TTC13: variants seen among roughly 807,000 people sequenced by gnomAD.
The protein encoded by TTC13 is tetratricopeptide repeat protein 13.
Under a neutral mutation model 120.0 loss-of-function variants are expected in TTC13, and 62 were observed. That is an observed-to-expected ratio of 0.52 (90% CI 0.42 to 0.64). The LOEUF is 0.64. Among genes scored for constraint, TTC13 ranks in the 30% least tolerant of loss-of-function variants. TTC13 has a pLI of 0.00. For missense variants in TTC13, 824 were observed against 1,050.2 expected (o/e 0.78, Z 2.98); for synonymous variants, 384 against 393.5 (o/e 0.98, Z 0.28).
intron 1 of TTC13, among the ~76,000 whole-genome samples, chr1:230,962,167 G>A (rs1026864982): frequency 2.7e-5 from 4 of 150,914 alleles, no homozygotes; most frequent in African/African-American, 9.8e-5. Context: ...CCGAGACTGT[G>A]CCATTGCACT....
chr1:230,960,325 A>G (rs1234150791), intron 2 of TTC13, among the ~76,000 whole-genome samples: 1 of 152,234 alleles, frequency 6.6e-6, no homozygotes, highest in Non-Finnish European at 1.5e-5. Flanking sequence ...GAAGACTTTC[A>G]TAACTCTAAG....
intron 3 of TTC13, among the ~76,000 whole-genome samples, chr1:230,955,336 G>A (rs980718286): frequency 6.6e-6 from 1 of 152,102 alleles, no homozygotes; most frequent in African/African-American, 2.4e-5. Context: ...AACTTTTACT[G>A]TCATTAAGAG....
chr1:230,963,356 A>C (rs1007951851), intron 1 of TTC13, among the ~76,000 whole-genome samples: 1 of 152,116 alleles, frequency 6.6e-6, no homozygotes, highest in African/African-American at 2.4e-5. Flanking sequence ...GAATGGATGG[A>C]GGCTGGGTGC....
chr1:230,924,995 A>T, intron 13 of TTC13, 22 bp from the exon 14 acceptor site: 3 of 1,614,068 alleles, frequency 1.9e-6, no homozygotes, highest in Non-Finnish European at 2.5e-6. Flanking sequence ...GAATATCGAG[A>T]AGAGTTAGTA....
At chr1:230,935,913 A>G (rs1331814213) in intron 8 of TTC13, among the ~76,000 whole-genome samples, 1 of 152,170 alleles carries the variant, frequency 6.6e-6, no homozygotes, top group Non-Finnish European at 1.5e-5. Flanking sequence ...GCAAACTACA[A>G]CAGAGTTTGG....
At chr1:230,943,287 T>C (rs1265432430) in intron 6 of TTC13, among the ~76,000 whole-genome samples, 6 of 152,284 alleles carry the variant, frequency 3.9e-5, no homozygotes, top group Middle Eastern at 3.4e-3. Flanking sequence ...TTAGGGTACA[T>C]GTGCACAATG....
intron 6 of TTC13, among the ~76,000 whole-genome samples, chr1:230,941,777 G>A (rs948298570): frequency 3.9e-5 from 6 of 152,264 alleles, no homozygotes; most frequent in Admixed American, 3.9e-4. Flanking sequence ...AAAGCACAGT[G>A]GGCTGGGGTT....
At chr1:230,920,745 C>T (rs376404026) in intron 16 of TTC13, 151 bp from the exon 17 acceptor site, 122 of 477,316 alleles carry the variant, frequency 2.6e-4, no homozygotes, top group African/African-American at 2.2e-3. Flanking sequence ...TTCCAAATAA[C>T]GGGATAGTTC....
chr1:230,958,247 T>C lies in TTC13; in HGVS notation c.419A>G (p.Asn140Ser). ...ACCTAACTCTTCATTTGTGCTGTCA[T>C]TATCAGTGGCAAACGGGAATCTCTT... ...EQKRFPFATD[N>S]DSTNEELAIA... Residue 140 changes from asparagine (N) to serine (S), a missense_variant, in exon 3 of 23, where the codon AAT becomes AGT. Transcript: ENST00000366661. 1 of 1,613,034 alleles carries C rather than the reference T, an allele frequency of 6.2e-7. No individual in the cohort carries two copies. Among genetic ancestry groups the C allele is most frequent in the Non-Finnish European group, 8.5e-7 (1 of 1,179,880 alleles).
At position 230,971,120 on chromosome 1, in the gene TTC13, C is replaced by T. The variant is rs187922966; in HGVS notation, c.271+7440G>A. ...CAGCACTTTGGGAGGCCGAGGCAGG[C>T]GGATCACGAGGTCAGGAGATCGAGA... is the stretch of plus-strand genomic sequence containing the variant. On this transcript the variant is annotated intron_variant, in intron 1 of 22. Transcript: ENST00000366661. Among the ~76,000 whole-genome samples, 404 of 152,004 alleles carry T rather than the reference C, an allele frequency of 2.7e-3. 3 individuals carry two copies. The highest frequency in any genetic ancestry group is 9.3e-3 in the African/African-American group (385 of 41,460).
chr1:230,937,026 C>T (rs905216348), intron 8 of TTC13, among the ~76,000 whole-genome samples: 4 of 152,158 alleles, frequency 2.6e-5, no homozygotes, highest in African/African-American at 9.7e-5. Flanking sequence ...ATTATACTTG[C>T]TGATGCTGTG....
chr1:230,925,580 G>C lies in TTC13; in HGVS notation c.1525C>G (p.Arg509Gly), dbSNP rs775455371. 1.9e-6 allele frequency: 3 copies of C among 1,613,998 alleles called. No homozygotes were observed. The South Asian group carries it at 3.3e-5, about 18-fold the overall frequency. The change falls in exon 13 of 23, where the codon CGT (arginine) becomes GGT (glycine). Residue 509 changes from arginine to glycine, a missense_variant. This residue lies in a region of TTC13 where 430 missense variants were observed against 626.8 expected (regional missense o/e 0.69). Transcript: ENST00000366661. ...TCATATTGCATCAGGGATCCCAAAC[G>C]ATCAGCCACACAAATCAGCTCCTGT... ...EVQELICVAD[R>G]LGSLMQYETP...
intron 8 of TTC13, among the ~76,000 whole-genome samples, chr1:230,939,051 CT>C (rs1674324408): frequency 6.6e-6 from 1 of 152,190 alleles, no homozygotes; most frequent in South Asian, 2.1e-4. Context: ...TCCACCTGTT[CT>C]TTGGAACTTT....
rs1235493732 is a variant in TTC13, at chr1:230,916,309, G to A, written c.1984-7C>T. ...TCGTTTTAGTATTAAACTGCTTTCA[G>A]GGAAAAAGAAAATTCACGTTACTAG... On this transcript the variant is annotated splice_polypyrimidine_tract_variant and splice_region_variant and intron_variant, in intron 17 of 22. Transcript: ENST00000366661. 1.2e-6 allele frequency: 2 copies of A among 1,605,240 alleles called. No individual in the cohort carries two copies. Among genetic ancestry groups the A allele is most frequent in the South Asian group, 2.2e-5 (2 of 90,868 alleles).
intron 22 of TTC13, chr1:230,908,278 C>G: frequency 2.6e-6 from 1 of 384,544 alleles, no homozygotes; most frequent in South Asian, 1.9e-5. Flanking sequence ...GCCTCAAACT[C>G]CTAGGCTCAA....
chr1:230,908,528 G>T (rs973566932), intron 22 of TTC13, 184 bp downstream of exon 22: 7 of 607,524 alleles, frequency 1.2e-5, no homozygotes, highest in Non-Finnish European at 2.0e-5. Flanking sequence ...ACCCTTAAAA[G>T]GTTATCTTAT....
At chr1:230,967,389 T>C (rs921590070) in intron 1 of TTC13, among the ~76,000 whole-genome samples, 2 of 141,812 alleles carry the variant, frequency 1.4e-5, no homozygotes, top group African/African-American at 4.9e-5. Flanking sequence ...ATAAAAGAAG[T>C]ATTTTCCTAT....
At chr1:230,961,924 C>T (rs1354189224) in intron 1 of TTC13, among the ~76,000 whole-genome samples, 3 of 151,876 alleles carry the variant, frequency 2.0e-5, no homozygotes, top group African/African-American at 7.3e-5. Flanking sequence ...AAAAGATACA[C>T]CCTAGGCCAG....
At chr1:230,967,934 G>A (rs1199808052) in intron 1 of TTC13, among the ~76,000 whole-genome samples, 3 of 152,080 alleles carry the variant, frequency 2.0e-5, no homozygotes, top group Non-Finnish European at 4.4e-5. Context: ...GTGTGAAAAC[G>A]CATCACAGAA....
Sources: allele counts gnomAD v4.1 joint callset (sites outside exome capture counted in the v4.1 genomes callset), GRCh38; gene constraint gnomAD v4.1.1; regional missense constraint gnomAD v4.1.1; transcripts MANE v1.5; gene names NCBI Gene and HGNC (gene_info 2026-07-23, HGNC 2026-07-21).